The following STXBP4 variants were observed in gnomAD, a reference collection of about 807,000 sequenced individuals.
STXBP4 encodes syntaxin-binding protein 4.
STXBP4 carries 55 observed loss-of-function variants against 76.1 expected under a neutral mutation model. The ratio of observed to expected loss-of-function variants is 0.72; its 90% CI spans 0.58 to 0.91. STXBP4 has a LOEUF of 0.91. Ranked by LOEUF, STXBP4 falls within the 40% of genes least tolerant of loss-of-function variation. The pLI, the probability that STXBP4 is intolerant of heterozygous loss-of-function variation, is 0.00. For missense variants in STXBP4, 618 were observed against 636.9 expected, an observed-to-expected ratio of 0.97 and a Z score of 0.32; for synonymous variants, 201 against 220.2, an observed-to-expected ratio of 0.91 and a Z score of 0.77.
intron 1 of STXBP4, among the ~76,000 whole-genome samples, chr17:54,974,290 G>A (rs1344826889): frequency 1.3e-5 from 2 of 152,222 alleles, no homozygotes; most frequent in South Asian, 2.1e-4. Flanking sequence ...TAAATAGTAA[G>A]TACAAATATA....
chr17:55,154,091 G>T (rs988554414), intron 17 of STXBP4, among the ~76,000 whole-genome samples: 1 of 152,122 alleles, frequency 6.6e-6, no homozygotes, highest in Non-Finnish European at 1.5e-5. Flanking sequence ...CCTGGTTGAT[G>T]GGTGTAGCTT....
At chr17:55,000,130 CAT>C in intron 6 of STXBP4, 1 of 748,868 alleles carries the variant, frequency 1.3e-6, no homozygotes, top group Non-Finnish European at 1.6e-6. Flanking sequence ...TTAAGAATGT[CAT>C]ATTTGGTTTC....
In STXBP4 at chr17:54,984,366, G is replaced by A. The variant is rs550330055; in HGVS notation, c.-156-1248G>A. On this transcript the variant is annotated intron_variant, in intron 1 of 17. Coordinates refer to ENST00000376352, the MANE Select transcript of STXBP4 (RefSeq NM_178509.6). ...TTTTTTTTTTTTTTTTTTTTGAGAC[G>A]GAGTCTGGCTCTGTCGCCCAGGCTG... Among the ~76,000 whole-genome samples the A allele has an allele frequency of 3.0e-3, 370 of 125,220 alleles. 3 individuals carry two copies. The highest frequency in any genetic ancestry group is 0.01 in the African/African-American group (331 of 32,664). The allele number at this position is 125,220 out of a possible 152,430, so 82.1% of individuals were successfully genotyped here.
At chr17:55,207,276 A>G in the STXBP4 span, among the ~76,000 whole-genome samples, 1 of 152,102 alleles carries the variant, frequency 6.6e-6, no homozygotes, top group Non-Finnish European at 1.5e-5. Context: ...CTACAGGAAA[A>G]TAGTCACCTG....
At chr17:55,062,165 G>A (rs558018717) in intron 12 of STXBP4, among the ~76,000 whole-genome samples, 6 of 151,724 alleles carry the variant, frequency 4.0e-5, no homozygotes, top group East Asian at 1.9e-4. Flanking sequence ...AGGTATACAC[G>A]TGCCATGGTG....
intron 16 of STXBP4, among the ~76,000 whole-genome samples, chr17:55,108,611 G>C (rs755183077): frequency 6.6e-5 from 10 of 152,196 alleles, no homozygotes; most frequent in Non-Finnish European, 1.2e-4. Context: ...GGGCTGGAAT[G>C]CACCGTTCCT....
At chr17:54,986,653 T>A (rs1396954950) in intron 3 of STXBP4, among the ~76,000 whole-genome samples, 1 of 152,120 alleles carries the variant, frequency 6.6e-6, no homozygotes, top group East Asian at 1.9e-4. Context: ...AAATAGACAA[T>A]TGTCAAATAC....
intron 16 of STXBP4, among the ~76,000 whole-genome samples, chr17:55,082,773 G>A (rs939256601): frequency 4.0e-5 from 6 of 151,882 alleles, no homozygotes; most frequent in African/African-American, 1.5e-4. Flanking sequence ...ACCTAATAAT[G>A]GTCCAGGGGG....
At chr17:55,007,643 G>T (rs776947632) in intron 8 of STXBP4, 46 bp downstream of exon 8, 6 of 1,447,894 alleles carry the variant, frequency 4.1e-6, no homozygotes, top group Middle Eastern at 3.5e-4. Context: ...ACAAAAACAG[G>T]AAAGAAGTAT....
intron 10 of STXBP4, among the ~76,000 whole-genome samples, chr17:55,042,476 A>G (rs2078718562): frequency 6.6e-6 from 1 of 152,126 alleles, no homozygotes; most frequent in African/African-American, 2.4e-5. Context: ...CTTTAAGCCC[A>G]TGCTTACATA....
the STXBP4 span, among the ~76,000 whole-genome samples, chr17:55,185,117 C>G: frequency 5.9e-5 from 9 of 152,256 alleles, no homozygotes; most frequent in Admixed American, 3.9e-4. Flanking sequence ...ATAATCTGCC[C>G]ATCTCGGCCT....
chr17:55,090,851 G>C lies in STXBP4; in HGVS notation c.1489+9668G>C, dbSNP rs2079403567. On this transcript the variant is annotated intron_variant, in intron 16 of 17. Coordinates refer to ENST00000376352, the MANE Select transcript of STXBP4 (RefSeq NM_178509.6). ...CATTTTAAATTGTGTGTGTGTGTGT[G>C]TGTCTGTGTGTGTGTGTGTGTGTGT... is the stretch of plus-strand genomic sequence containing the variant. Among the ~76,000 whole-genome samples, 6 of 7,056 alleles carry C rather than the reference G, an allele frequency of 8.5e-4. No homozygotes were observed. In the South Asian group the frequency reaches 0.02, roughly 24 times the overall value. The allele number at this position is 7,056 out of a possible 152,430, so 4.6% of individuals were successfully genotyped here. A position where few individuals can be genotyped will look rare whatever the true frequency, so the allele number is the denominator to read the frequency against.
At chr17:55,189,317 T>C in the STXBP4 span, among the ~76,000 whole-genome samples, 2 of 152,234 alleles carry the variant, frequency 1.3e-5, no homozygotes, top group African/African-American at 4.8e-5. Context: ...CCACTTTTCC[T>C]CTTTAGACTT....
chr17:55,132,127 C>T (rs977363655), intron 16 of STXBP4, among the ~76,000 whole-genome samples: 5 of 152,216 alleles, frequency 3.3e-5, no homozygotes, highest in African/African-American at 1.2e-4. Flanking sequence ...AGAATATCAA[C>T]TCTTGGGGAA....
the STXBP4 span, among the ~76,000 whole-genome samples, chr17:55,195,382 G>T: frequency 2.0e-5 from 3 of 152,112 alleles, no homozygotes; most frequent in Non-Finnish European, 2.9e-5. Context: ...ATAAGCCTTC[G>T]TAACAGTTTG....
intron 7 of STXBP4, among the ~76,000 whole-genome samples, chr17:55,004,935 T>C (rs1236644462): frequency 6.6e-6 from 1 of 152,110 alleles, no homozygotes; most frequent in African/African-American, 2.4e-5. Context: ...TGAGGAAAAC[T>C]TCTATGAGGG....
intron 17 of STXBP4, among the ~76,000 whole-genome samples, chr17:55,147,521 T>C (rs1486300963): frequency 6.6e-6 from 1 of 152,226 alleles, no homozygotes; most frequent in Non-Finnish European, 1.5e-5. Context: ...TTCAAATACA[T>C]GTAATCACTT....
intron 7 of STXBP4, among the ~76,000 whole-genome samples, chr17:55,003,264 T>G (rs1393139047): frequency 6.6e-6 from 1 of 152,146 alleles, no homozygotes; most frequent in East Asian, 1.9e-4. Flanking sequence ...TCAGGTAAAT[T>G]TATACCAGTC....
intron 8 of STXBP4, among the ~76,000 whole-genome samples, chr17:55,024,447 T>G (rs2078377030): frequency 6.6e-6 from 1 of 152,238 alleles, no homozygotes; most frequent in Admixed American, 6.5e-5. Context: ...CTTTCCTCTC[T>G]GCTATAGCAG....
Sources: gnomAD v4.1 joint callset for allele counts (sites outside exome capture counted in the v4.1 genomes callset) on GRCh38, gnomAD v4.1.1 for gene constraint, MANE v1.5 for transcripts, NCBI Gene and HGNC (gene_info 2026-07-23, HGNC 2026-07-21) for gene names.